The following SAMD5 variants were observed in gnomAD, a reference collection of about 807,000 sequenced individuals.
SAMD5 encodes the protein sterile alpha motif domain containing 5.
In SAMD5, 13 loss-of-function variants were observed where a neutral mutation model predicts 11.3. The ratio of observed to expected loss-of-function variants is 1.15; its 90% CI spans 0.75 to 1.83. The LOEUF is 1.83. SAMD5 is among the 40% of genes most tolerant of loss of function. The probability of loss-of-function intolerance (pLI) is 0.00; values close to 1 mark genes in which losing one functional copy is unlikely to be tolerated. For missense variants in SAMD5, 255 were observed against 239.1 expected, an observed-to-expected ratio of 1.07 and a Z score of -0.44; for synonymous variants, 129 against 111.3, an observed-to-expected ratio of 1.16 and a Z score of -1.00.
chr6:147,719,018 C>A (rs1013161904), intron 1 of SAMD5, among the ~76,000 whole-genome samples: 3 of 152,196 alleles, frequency 2.0e-5, no homozygotes, highest in African/African-American at 7.2e-5. Context: ...AATGTAAATT[C>A]TCTTGTGGAA....
Position 147,702,893 on chromosome 6 carries a change from A to G in SAMD5, c.163-34424A>G, listed in dbSNP as rs762591035. On this transcript the variant is annotated intron_variant, in intron 1 of 1. Coordinates refer to the SAMD5 transcript ENST00000566741. ...TACATACAAATCTTTTCTATCTTGA[A>G]TTGTATTTGATAACTAGGCCTTAAG... Among the ~76,000 whole-genome samples the G allele has an allele frequency of 4.9e-4, 75 of 151,966 alleles. 2 individuals are homozygous for G. Among genetic ancestry groups the G allele is most frequent in the Middle Eastern group, 6.8e-3 (2 of 294 alleles).
At chr6:147,909,585 T>C in the SAMD5 span, among the ~76,000 whole-genome samples, 58 of 65,002 alleles carry the variant, frequency 8.9e-4, no homozygotes, top group African/African-American at 5.4e-3. Flanking sequence ...TCTTTCTTTC[T>C]TTCTTTCTTT....
Position 147,699,001 on chromosome 6 carries a change from G to T in SAMD5, c.163-38316G>T, listed in dbSNP as rs190026665. Among the ~76,000 whole-genome samples, 7 of 152,308 alleles carry T rather than the reference G, an allele frequency of 4.6e-5. No individual in the cohort carries two copies. In the East Asian group the frequency reaches 1.2e-3, roughly 25 times the overall value. On this transcript the variant is annotated intron_variant, in intron 1 of 1. Coordinates refer to the SAMD5 transcript ENST00000566741. ...GGCTGGCCATATGTGGTGAGCTTGA[G>T]TTGGGAGTGCTGGGGTAGAGATAGT... is the stretch of plus-strand genomic sequence containing the variant.
At chr6:147,643,348 A>AT (rs1433501164) in intron 1 of SAMD5, among the ~76,000 whole-genome samples, 2 of 152,046 alleles carry the variant, frequency 1.3e-5, no homozygotes, top group Admixed American at 1.3e-4. Context: ...ATGTGGGTAG[A>AT]TTTTTTCCCC....
At chr6:147,688,847 A>G (rs1238024278) in intron 1 of SAMD5, among the ~76,000 whole-genome samples, 1 of 152,222 alleles carries the variant, frequency 6.6e-6, no homozygotes, top group Non-Finnish European at 1.5e-5. Flanking sequence ...GTAACAAATT[A>G]GTCCATCATC....
chr6:147,742,655 A>G, the SAMD5 span, among the ~76,000 whole-genome samples: 1 of 152,142 alleles, frequency 6.6e-6, no homozygotes, highest in African/African-American at 2.4e-5. Flanking sequence ...AGGGGGCAGT[A>G]CTCTATCCAG....
chr6:147,854,957 CAG>C, the SAMD5 span, among the ~76,000 whole-genome samples: 4 of 152,114 alleles, frequency 2.6e-5, no homozygotes, highest in African/African-American at 7.2e-5. Flanking sequence ...ACTGAAATAA[CAG>C]TGCACAGTTT....
In SAMD5 at chr6:147,734,711, T is replaced by TAAAAAAAAAAAAAAAAAAA; in HGVS notation, c.163-2593_163-2575dup. 1.3e-3 allele frequency among the ~76,000 whole-genome samples: 34 copies of TAAAAAAAAAAAAAAAAAAA among 26,108 alleles called. 1 individual carries two copies. The highest frequency in any genetic ancestry group is 2.6e-3 in the African/African-American group (28 of 10,726). The allele number at this position is 26,108 out of a possible 152,430, so 17.1% of individuals were successfully genotyped here. On this transcript the variant is annotated intron_variant, in intron 1 of 1. Coordinates refer to the SAMD5 transcript ENST00000566741. ...CTGGGCGGCAGAGCGAGACTCCATC[T>TAAAAAAAAAAAAAAAAAAA]AAAAAAAAAAAAAAAAAAAAAAAAA... is the stretch of plus-strand genomic sequence containing the variant.
the SAMD5 span, among the ~76,000 whole-genome samples, chr6:147,829,687 G>A: frequency 1.3e-5 from 2 of 152,126 alleles, no homozygotes; most frequent in African/African-American, 4.8e-5. Context: ...TCCACCAAGA[G>A]CTCTTTCCAG....
chr6:147,704,015 C>T (rs974186340), intron 1 of SAMD5, among the ~76,000 whole-genome samples: 4 of 152,164 alleles, frequency 2.6e-5, no homozygotes, highest in African/African-American at 9.7e-5. Flanking sequence ...CCTGCCTCAG[C>T]CTCCTGAGTA....
chr6:147,620,308 A>T (rs1263521742), intron 1 of SAMD5, among the ~76,000 whole-genome samples: 1 of 152,132 alleles, frequency 6.6e-6, no homozygotes, highest in African/African-American at 2.4e-5. Context: ...TCTTCTGCTC[A>T]CAGATTCTGG....
At chr6:147,926,436 A>C in the SAMD5 span, among the ~76,000 whole-genome samples, 1 of 150,062 alleles carries the variant, frequency 6.7e-6, no homozygotes, top group Admixed American at 6.7e-5. Flanking sequence ...CTAATGATCC[A>C]TAATATTGAG....
At chr6:147,936,377 A>C in the SAMD5 span, among the ~76,000 whole-genome samples, 1,872 of 152,036 alleles carry the variant, frequency 0.012, 16 homozygotes, top group Non-Finnish European at 0.019. Flanking sequence ...CAGGAAGCTT[A>C]CAATCATGGC....
intron 1 of SAMD5, among the ~76,000 whole-genome samples, chr6:147,637,776 G>A: frequency 6.6e-6 from 1 of 152,032 alleles, no homozygotes; most frequent in East Asian, 1.9e-4. Context: ...CACAGCAGCT[G>A]TTTCAGGAAA....
At chr6:147,594,569 A>G (rs1404244492) in intron 1 of SAMD5, among the ~76,000 whole-genome samples, 4 of 152,192 alleles carry the variant, frequency 2.6e-5, no homozygotes, top group African/African-American at 9.7e-5. Flanking sequence ...GTCTATTATT[A>G]TTAAACAGAT....
the SAMD5 span, among the ~76,000 whole-genome samples, chr6:147,880,749 C>A: frequency 6.6e-5 from 10 of 152,242 alleles, no homozygotes; most frequent in African/African-American, 2.4e-4. Flanking sequence ...TGTCGTTCAG[C>A]CTTTACATCA....
downstream of SAMD5, among the ~76,000 whole-genome samples, chr6:147,573,066 A>C (rs186407952): frequency 3.2e-4 from 48 of 152,350 alleles, no homozygotes; most frequent in African/African-American, 4.8e-4. Flanking sequence ...GCAACTCTGC[A>C]GTCATTATGT....
the SAMD5 span, among the ~76,000 whole-genome samples, chr6:147,746,674 C>G: frequency 6.6e-6 from 1 of 152,136 alleles, no homozygotes; most frequent in Non-Finnish European, 1.5e-5. Context: ...CTTCAAGAAA[C>G]TATCATGGAA....
chr6:147,640,777 G>T (rs985713778), intron 1 of SAMD5, among the ~76,000 whole-genome samples: 1 of 152,122 alleles, frequency 6.6e-6, no homozygotes, highest in African/African-American at 2.4e-5. Flanking sequence ...ACCTAGAAAA[G>T]TTGCCAAGCC....
Sources: allele counts gnomAD v4.1 joint callset (sites outside exome capture counted in the v4.1 genomes callset), GRCh38; gene constraint gnomAD v4.1.1; transcripts MANE v1.5; gene names NCBI Gene and HGNC (gene_info 2026-07-23, HGNC 2026-07-21).